DHRS7B: variants seen among roughly 807,000 people sequenced by gnomAD.
The protein encoded by DHRS7B is peroxisomal reductase activating PPAR-gamma.
Under a neutral mutation model 26.4 loss-of-function variants are expected in DHRS7B, and 24 were observed. The ratio of observed to expected loss-of-function variants is 0.91; its 90% CI spans 0.66 to 1.28. The LOEUF (loss-of-function observed/expected upper bound fraction) is 1.28, where lower values mean the gene tolerates loss of function less well. Among genes scored for constraint, DHRS7B ranks in the 50% most tolerant of loss-of-function variants. The pLI, the probability that DHRS7B is intolerant of heterozygous loss-of-function variation, is 0.00. For missense variants in DHRS7B, 368 were observed against 419.4 expected, an observed-to-expected ratio of 0.88 and a Z score of 1.07; for synonymous variants, 142 against 166.4, an observed-to-expected ratio of 0.85 and a Z score of 1.13.
chr17:21,173,537 T>C (rs1974307757), intron 2 of DHRS7B, among the ~76,000 whole-genome samples: 1 of 152,172 alleles, frequency 6.6e-6, no homozygotes, highest in African/African-American at 2.4e-5. Flanking sequence ...AGTTGGGTGT[T>C]GCATGAACAC....
intron 1 of DHRS7B, among the ~76,000 whole-genome samples, chr17:21,148,482 C>T (rs1973689580): frequency 6.6e-6 from 1 of 152,156 alleles, no homozygotes; most frequent in South Asian, 2.1e-4. Flanking sequence ...CACAGTGGCT[C>T]ATGCCTGTGT....
intron 1 of DHRS7B, among the ~76,000 whole-genome samples, chr17:21,132,348 A>AAAAATATAT (rs1491147235): frequency 8.0e-6 from 1 of 125,022 alleles, no homozygotes; most frequent in African/African-American, 2.9e-5. Context: ...AAAAAAAAAA[A>AAAAATATAT]ATATATATAT....
intron 2 of DHRS7B, among the ~76,000 whole-genome samples, chr17:21,177,581 A>G (rs1436327601): frequency 6.6e-6 from 1 of 152,088 alleles, no homozygotes; most frequent in Admixed American, 6.5e-5. Flanking sequence ...GGCACCCTTA[A>G]TAGTCCTGCG....
chr17:21,163,964 C>T (rs1267226432), intron 1 of DHRS7B, among the ~76,000 whole-genome samples: 2 of 150,722 alleles, frequency 1.3e-5, no homozygotes, highest in African/African-American at 2.5e-5. Flanking sequence ...GCTGAAATTA[C>T]AGGCATGAGC....
At chr17:21,168,391 C>T (rs1001765725) in intron 1 of DHRS7B, among the ~76,000 whole-genome samples, 6 of 152,208 alleles carry the variant, frequency 3.9e-5, no homozygotes, top group Admixed American at 1.3e-4. Flanking sequence ...GCTTTTGAGA[C>T]AGGGCCTCAC....
chr17:21,133,226 T>C (rs1567614671), intron 1 of DHRS7B, among the ~76,000 whole-genome samples: 1 of 152,224 alleles, frequency 6.6e-6, no homozygotes, highest in East Asian at 1.9e-4. Context: ...TCTTAGTTAA[T>C]TCAGAGAGTT....
At chr17:21,178,726 T>G (rs1206609640) in intron 3 of DHRS7B, among the ~76,000 whole-genome samples, 1 of 146,066 alleles carries the variant, frequency 6.8e-6, no homozygotes, top group Non-Finnish European at 1.5e-5. Context: ...TGGCCCAATC[T>G]CGGTTCACTG....
intron 1 of DHRS7B, among the ~76,000 whole-genome samples, chr17:21,156,894 A>G (rs905713647): frequency 7.3e-6 from 1 of 137,208 alleles, no homozygotes; most frequent in African/African-American, 2.7e-5. Flanking sequence ...TAGGGTGACA[A>G]AAACAAAATT....
At chr17:21,165,116 A>G (rs936929309) in intron 1 of DHRS7B, among the ~76,000 whole-genome samples, 3 of 152,142 alleles carry the variant, frequency 2.0e-5, no homozygotes, top group Non-Finnish European at 4.4e-5. Context: ...GAGTGTGCTT[A>G]GTTTCAAGTA....
intron 1 of DHRS7B, chr17:21,166,113 G>C: frequency 1.0e-6 from 1 of 982,308 alleles, no homozygotes; most frequent in Non-Finnish European, 1.2e-6. Flanking sequence ...GCTGGGCTTT[G>C]GCACCTTTCT....
At chr17:21,172,291 C>T (rs761715104) in intron 2 of DHRS7B, 95 bp downstream of exon 2, 20 of 1,455,914 alleles carry the variant, frequency 1.4e-5, no homozygotes, top group South Asian at 2.4e-5. Flanking sequence ...CGCAAATGCC[C>T]GAAGCGGCAG....
chr17:21,152,738 G>GTAA, intron 1 of DHRS7B, among the ~76,000 whole-genome samples: 1 of 152,318 alleles, frequency 6.6e-6, no homozygotes, highest in South Asian at 2.1e-4. Flanking sequence ...TTGGGGAAGG[G>GTAA]TAATACTCAA....
intron 1 of DHRS7B, among the ~76,000 whole-genome samples, chr17:21,146,446 T>C (rs963186853): frequency 1.6e-4 from 25 of 152,164 alleles, no homozygotes; most frequent in Non-Finnish European, 8.8e-5. Flanking sequence ...CATATACCTA[T>C]TTAATCCTTT....
chr17:21,180,221 C>T (rs187807290), intron 3 of DHRS7B, among the ~76,000 whole-genome samples: 444 of 151,978 alleles, frequency 2.9e-3, no homozygotes, highest in African/African-American at 1.0e-2. Flanking sequence ...ACTACAGGCA[C>T]GCACCACCAC....
At chr17:21,145,184 C>A (rs1402796625) in intron 1 of DHRS7B, among the ~76,000 whole-genome samples, 2 of 152,048 alleles carry the variant, frequency 1.3e-5, no homozygotes, top group African/African-American at 4.8e-5. Context: ...ATTAGCCAGG[C>A]ATGGTGGCGG....
chr17:21,137,788 C>T (rs1334926567), intron 1 of DHRS7B, among the ~76,000 whole-genome samples: 2 of 151,198 alleles, frequency 1.3e-5, no homozygotes, highest in African/African-American at 4.9e-5. Context: ...TTAGTAGAGA[C>T]GGCATTTCAC....
rs1007208031 is a variant in DHRS7B, at chr17:21,183,521, G to A, written c.310-73G>A. ...AGTTACATTATTGTTTTGAGGCTAA[G>A]TGATCCGTGGGACACATAGCTCAGA... is the stretch of plus-strand genomic sequence containing the variant. On this transcript the variant is annotated intron_variant, in intron 3 of 6. Coordinates refer to ENST00000395511, the MANE Select transcript of DHRS7B (RefSeq NM_015510.5). The A allele has an allele frequency of 3.9e-5, 55 of 1,397,044 alleles. 1 individual carries two copies. The highest frequency in any genetic ancestry group is 5.3e-5 in the Non-Finnish European group (53 of 995,536). 86.5% of individuals were successfully genotyped at this position (1,397,044 alleles called of 1,614,324 possible).
At chr17:21,155,245 G>A (rs1230400487) in intron 1 of DHRS7B, among the ~76,000 whole-genome samples, 1 of 152,056 alleles carries the variant, frequency 6.6e-6, no homozygotes, top group Non-Finnish European at 1.5e-5. Context: ...TTGTCTACCA[G>A]AAACCAACTT....
intron 1 of DHRS7B, among the ~76,000 whole-genome samples, chr17:21,130,805 C>G (rs951615589): frequency 6.6e-6 from 1 of 152,158 alleles, no homozygotes; most frequent in Non-Finnish European, 1.5e-5. Context: ...CCATTATACA[C>G]ATAAGAAACC....
Sources: allele counts gnomAD v4.1 joint callset (sites outside exome capture counted in the v4.1 genomes callset), GRCh38; gene constraint gnomAD v4.1.1; transcripts MANE v1.5; gene names NCBI Gene and HGNC (gene_info 2026-07-23, HGNC 2026-07-21).